The following RBPJ variants were observed in gnomAD, a reference collection of about 807,000 sequenced individuals.
The protein encoded by RBPJ is recombination signal binding protein for immunoglobulin kappa J region.
RBPJ carries 9 observed loss-of-function variants against 67.8 expected under a neutral mutation model. That is an observed-to-expected ratio of 0.13 (90% CI 0.08 to 0.23). The LOEUF (loss-of-function observed/expected upper bound fraction) is 0.23, where lower values mean the gene tolerates loss of function less well. RBPJ is among the 10% of genes least tolerant of loss of function. RBPJ has a pLI of 1.00. For synonymous variants in RBPJ, 198 were observed against 203.3 expected, an observed-to-expected ratio of 0.97 and a Z score of 0.22; for missense variants, 305 against 595.6, an observed-to-expected ratio of 0.51 and a Z score of 5.08.
At chr4:26,207,019 A>G (rs1030215918) in intron 1 of RBPJ, among the ~76,000 whole-genome samples, 1 of 152,062 alleles carries the variant, frequency 6.6e-6, no homozygotes, top group African/African-American at 2.4e-5. Context: ...CCATAAATCA[A>G]TTCCCCCTTT....
intron 1 of RBPJ, among the ~76,000 whole-genome samples, chr4:26,348,757 G>A (rs757027183): frequency 1.6e-4 from 24 of 151,722 alleles, no homozygotes; most frequent in Admixed American, 7.9e-4. Flanking sequence ...AGAGTGGAGC[G>A]CAGTGGCGTG....
the RBPJ span, chr4:26,112,388 T>A: frequency 6.4e-6 from 1 of 156,874 alleles, no homozygotes; most frequent in South Asian, 2.0e-4. Context: ...AATTACTCCT[T>A]GGTATTAGGC....
At chr4:26,260,979 A>G (rs1720511455) in intron 1 of RBPJ, among the ~76,000 whole-genome samples, 1 of 152,204 alleles carries the variant, frequency 6.6e-6, no homozygotes, top group South Asian at 2.1e-4. Context: ...GAGGGCAAAG[A>G]ACATGACCAA....
chr4:26,174,935 A>C (rs1302648254), intron 1 of RBPJ, among the ~76,000 whole-genome samples: 1 of 152,194 alleles, frequency 6.6e-6, no homozygotes, highest in Admixed American at 6.5e-5. Flanking sequence ...AAATTATGGG[A>C]AATGAATTCA....
At chr4:26,182,689 G>A (rs1216291558) in intron 1 of RBPJ, among the ~76,000 whole-genome samples, 1 of 151,664 alleles carries the variant, frequency 6.6e-6, no homozygotes, top group African/African-American at 2.4e-5. Context: ...GTAGAGATGG[G>A]GGTCTCATTA....
At chr4:26,299,527 A>T (rs1341733856) in intron 1 of RBPJ, among the ~76,000 whole-genome samples, 2 of 152,170 alleles carry the variant, frequency 1.3e-5, no homozygotes, top group Non-Finnish European at 2.9e-5. Context: ...CCTCTTAATC[A>T]TCATAAAAAT....
At chr4:26,207,049 A>G (rs1718194734) in intron 1 of RBPJ, among the ~76,000 whole-genome samples, 1 of 152,188 alleles carries the variant, frequency 6.6e-6, no homozygotes, top group Non-Finnish European at 1.5e-5. Context: ...AGATTCAAGC[A>G]GTGCTCTCCA....
At chr4:26,373,617 T>C (rs1560302975) in intron 1 of RBPJ, among the ~76,000 whole-genome samples, 1 of 152,232 alleles carries the variant, frequency 6.6e-6, no homozygotes, top group Non-Finnish European at 1.5e-5. Context: ...CTTCATTAAA[T>C]GGAACTCTAT....
intron 1 of RBPJ, among the ~76,000 whole-genome samples, chr4:26,373,008 T>A (rs1238645024): frequency 6.6e-6 from 1 of 152,232 alleles, no homozygotes; most frequent in Admixed American, 6.5e-5. Flanking sequence ...GTAAGCTTTG[T>A]ATTGTGGTTA....
intron 2 of RBPJ, among the ~76,000 whole-genome samples, chr4:26,391,949 A>G (rs532659446): frequency 6.6e-6 from 1 of 152,216 alleles, no homozygotes; most frequent in East Asian, 1.9e-4. Flanking sequence ...CTGTTGGGAG[A>G]TGCTTCCTGG....
At chr4:26,310,876 G>T (rs902939360) in intron 1 of RBPJ, among the ~76,000 whole-genome samples, 1 of 151,972 alleles carries the variant, frequency 6.6e-6, no homozygotes, top group African/African-American at 2.4e-5. Flanking sequence ...CCCCATGTTG[G>T]CCAGGCTTGT....
At chr4:26,429,008 A>G (rs970864500) in intron 8 of RBPJ, 148 bp downstream of exon 8, 4 of 617,652 alleles carry the variant, frequency 6.5e-6, no homozygotes, top group East Asian at 2.8e-5. Flanking sequence ...AGCATCCTTA[A>G]CACACAATCC....
At chr4:26,113,496 G>C in the RBPJ span, 31 of 552,374 alleles carry the variant, frequency 5.6e-5, no homozygotes, top group South Asian at 3.9e-4. Flanking sequence ...CCCTATGACT[G>C]TAAGCAATGT....
chr4:26,406,487 G>A (rs1733424441), intron 3 of RBPJ, among the ~76,000 whole-genome samples: 1 of 152,192 alleles, frequency 6.6e-6, no homozygotes, highest in South Asian at 2.1e-4. Context: ...AAGTCAGCAT[G>A]GAGACAGAGG....
chr4:26,147,131 T>G, the RBPJ span, among the ~76,000 whole-genome samples: 1 of 152,216 alleles, frequency 6.6e-6, no homozygotes, highest in Non-Finnish European at 1.5e-5. Flanking sequence ...TGAGTTCCAT[T>G]GTAGAAAATG....
the RBPJ span, among the ~76,000 whole-genome samples, chr4:26,109,859 C>T: frequency 3.3e-5 from 5 of 151,876 alleles, no homozygotes. Flanking sequence ...ATAAACCAGA[C>T]TTGCCAGAAA....
At chr4:26,143,060 G>A in the RBPJ span, among the ~76,000 whole-genome samples, 2 of 152,304 alleles carry the variant, frequency 1.3e-5, no homozygotes, top group East Asian at 3.9e-4. Context: ...GGGATTATAG[G>A]CGTAGCATTT....
chr4:26,326,984 A>G (rs564981637), intron 1 of RBPJ, among the ~76,000 whole-genome samples: 1 of 152,148 alleles, frequency 6.6e-6, no homozygotes, highest in Non-Finnish European at 1.5e-5. Flanking sequence ...GTTGTCATTG[A>G]GTCACCCCCA....
At position 26,430,315 on chromosome 4, in the gene RBPJ, C is replaced by T; in HGVS notation, c.1045-104C>T. 2.0e-6 allele frequency: 2 copies of T among 1,003,700 alleles called. No homozygotes were observed. Among genetic ancestry groups the T allele is most frequent in the Non-Finnish European group, 3.1e-6 (2 of 654,060 alleles). The allele number at this position is 1,003,700 out of a possible 1,614,324, so 62.2% of individuals were successfully genotyped here. On this transcript the variant is annotated intron_variant, in intron 9 of 10. Transcript: ENST00000355476. This position sits in a 1 kb window ranked among gnomAD's most constrained non-coding sequence, Gnocchi z 4.1. ...TTGTAATAAAAAACATTTTAATTGC[C>T]CTTTTTTAAAAAAAACAAATGAAAG... is the stretch of plus-strand genomic sequence containing the variant.
Sources: allele counts gnomAD v4.1 joint callset (sites outside exome capture counted in the v4.1 genomes callset), GRCh38; gene constraint gnomAD v4.1.1; non-coding constraint Gnocchi (gnomAD v3.1); transcripts MANE v1.5; gene names NCBI Gene and HGNC (gene_info 2026-07-23, HGNC 2026-07-21).